COL1A2: variants seen among roughly 807,000 people sequenced by gnomAD.
COL1A2 encodes the protein collagen type I alpha 2 chain.
Under a neutral mutation model 174.3 loss-of-function variants are expected in COL1A2, and 49 were observed. The observed-to-expected ratio is 0.28, with a 90% CI of 0.22 to 0.36. The LOEUF is 0.36. Ranked by LOEUF, COL1A2 falls within the 10% of genes least tolerant of loss-of-function variation. The probability of loss-of-function intolerance (pLI) is 1.00; values close to 1 mark genes in which losing one functional copy is unlikely to be tolerated. For synonymous variants in COL1A2, 655 were observed against 606.6 expected, an observed-to-expected ratio of 1.08 and a Z score of -1.17; for missense variants, 1,438 against 1,822.7, an observed-to-expected ratio of 0.79 and a Z score of 3.84.
rs1792106148 is a variant in COL1A2, at chr7:94,419,444, A to G, written c.2026-54A>G. 10 of 1,585,380 alleles carry G rather than the reference A, an allele frequency of 6.3e-6. 1 individual carries two copies. The highest frequency in any genetic ancestry group is 3.3e-5 in the South Asian group (3 of 90,412). On this transcript the variant is annotated intron_variant, in intron 33 of 51. Coordinates refer to ENST00000297268, the MANE Select transcript of COL1A2 (RefSeq NM_000089.4). The stretch of plus-strand genomic sequence containing the variant: ...ACAGAAAAAAAGAATGACAAGGTTC[A>G]CTTTTGATGATACGGGGTGTTATTA...
intron 42 of COL1A2, 63 bp downstream of exon 42, chr7:94,425,287 G>A (rs1792250506): frequency 1.4e-6 from 2 of 1,460,142 alleles, no homozygotes; most frequent in Non-Finnish European, 1.9e-6. Context: ...GAAACTTTAT[G>A]TCCTGAGCTG....
intron 31 of COL1A2, chr7:94,416,792 A>G (rs543903344): frequency 3.3e-5 from 13 of 391,132 alleles, no homozygotes; most frequent in Admixed American, 2.4e-4. Flanking sequence ...GTTTTAATCT[A>G]GAAACATTGT....
At chr7:94,418,402 C>A in intron 32 of COL1A2, 97 bp from the exon 33 acceptor site, 1 of 919,406 alleles carries the variant, frequency 1.1e-6, no homozygotes, top group Non-Finnish European at 1.8e-6. Flanking sequence ...CTGAAGGTAT[C>A]ATAGCATCTT....
Position 94,400,294 on chromosome 7 carries a change from G to T in COL1A2, c.225+6G>T. On this transcript the variant is annotated splice_donor_region_variant and intron_variant, in intron 5 of 51. Coordinates refer to ENST00000297268, the MANE Select transcript of COL1A2 (RefSeq NM_000089.4). ...GCCCCCCTGGTCTCGGTGGGGTAAG[G>T]TGTCTTACGTATTGCTAACTTTTAG... is the stretch of plus-strand genomic sequence containing the variant. 3 of 1,611,726 alleles carry T rather than the reference G, an allele frequency of 1.9e-6. No individual in the cohort carries two copies. Among genetic ancestry groups the T allele is most frequent in the South Asian group, 1.1e-5 (1 of 90,914 alleles).
intron 1 of COL1A2, 108 bp downstream of exon 1, chr7:94,395,209 G>A: frequency 4.5e-6 from 4 of 884,802 alleles, no homozygotes; most frequent in Non-Finnish European, 7.8e-6. Context: ...TACACTTGGA[G>A]GGCAGACTCT....
At position 94,415,278 on chromosome 7, in the gene COL1A2, T is replaced by A; in HGVS notation, c.1764+8T>A. ...GGTCCTGCTGGTCCAAGAGTAAGTG[T>A]TACTTCATTAACTTTCATAAACTCT... On this transcript the variant is annotated splice_region_variant and intron_variant, in intron 30 of 51. Coordinates refer to ENST00000297268, the MANE Select transcript of COL1A2 (RefSeq NM_000089.4). 6.2e-7 allele frequency: 1 copy of A among 1,613,266 alleles called. No homozygotes were observed. Among genetic ancestry groups the A allele is most frequent in the East Asian group, 2.2e-5 (1 of 44,854 alleles).
Position 94,407,886 on chromosome 7 carries a change from C to T in COL1A2, c.634C>T (p.Gln212Ter). 6.2e-7 allele frequency: 1 copy of T among 1,612,830 alleles called. No individual in the cohort carries two copies. The highest frequency in any genetic ancestry group is 8.5e-7 in the Non-Finnish European group (1 of 1,179,188). Reference protein sequence around the residue: ...GAPGENGTPGQTGARGLPGER... With the variant: ...GAPGENGTPG ...CCCTGGTGAAAATGGAACTCCAGGT[C>T]AAACAGTAAGTATTGACTACTTCAT... Residue 212 changes from glutamine (Q) to a stop codon, truncating the protein, a stop_gained, in exon 13 of 52, where the codon CAA becomes TAA. Transcript: ENST00000297268. LOFTEE classifies it high-confidence loss of function.
At position 94,412,677 on chromosome 7, in the gene COL1A2, C is replaced by T; in HGVS notation, c.1498C>T (p.Pro500Ser). The part of the protein sequence containing the change: ...GNIGFPGPKG[P>S]TGDPGKNGDK... The stretch of plus-strand genomic sequence containing the variant: ...CATTGGATTCCCTGGACCCAAAGGC[C>T]CCACTGTAAGAATCACCACAACTTT... Residue 500 changes from proline (P) to serine (S), a missense_variant, in exon 25 of 52, where the codon CCC becomes TCC. This residue lies in a region of COL1A2 where 867 missense variants were observed against 1,213.7 expected (regional missense o/e 0.71). Coordinates refer to ENST00000297268, the MANE Select transcript of COL1A2 (RefSeq NM_000089.4). 6.2e-7 allele frequency: 1 copy of T among 1,613,912 alleles called. No homozygotes were observed. The highest frequency in any genetic ancestry group is 8.5e-7 in the Non-Finnish European group (1 of 1,179,848).
At chr7:94,422,228 G>C (rs1792181078) in intron 39 of COL1A2, among the ~76,000 whole-genome samples, 2 of 150,972 alleles carry the variant, frequency 1.3e-5, no homozygotes. Context: ...AACAGTTTTA[G>C]CCACATATCA....
At chr7:94,426,566 T>A in intron 46 of COL1A2, 36 bp downstream of exon 46, 2 of 1,486,450 alleles carry the variant, frequency 1.3e-6, no homozygotes, top group Non-Finnish European at 1.9e-6. Context: ...CATAAACTGA[T>A]CCTGAAGGCC....
intron 4 of COL1A2, 52 bp downstream of exon 4, chr7:94,399,136 A>G (rs1791639105): frequency 1.3e-6 from 2 of 1,548,678 alleles, no homozygotes; most frequent in Non-Finnish European, 1.8e-6. Context: ...GAATAACTAT[A>G]TGTTAGAAAC....
intron 13 of COL1A2, 96 bp downstream of exon 13, chr7:94,407,987 A>ATTG (rs932042056): frequency 7.9e-7 from 1 of 1,270,664 alleles, no homozygotes; most frequent in African/African-American, 1.5e-5. Context: ...ATCCTTCAGC[A>ATTG]TTGTATTCTT....
chr7:94,425,559 G>C (rs1447270824), intron 42 of COL1A2, 51 bp from the exon 43 acceptor site: 2 of 1,570,242 alleles, frequency 1.3e-6, no homozygotes, highest in Non-Finnish European at 1.8e-6. Flanking sequence ...ATAGGGGCTG[G>C]TAGGCAGCAG....
intron 42 of COL1A2, 66 bp downstream of exon 42, chr7:94,425,290 C>T: frequency 6.9e-7 from 1 of 1,440,218 alleles, no homozygotes; most frequent in East Asian, 2.3e-5. Context: ...ACTTTATGTC[C>T]TGAGCTGAGG....
intron 51 of COL1A2, 191 bp from the exon 52 acceptor site, chr7:94,430,056 G>A: frequency 1.6e-6 from 1 of 615,088 alleles, no homozygotes; most frequent in East Asian, 2.8e-5. Flanking sequence ...TTTTTTGTTA[G>A]ACTGATAGGG....
Position 94,430,618 on chromosome 7 carries a change from A to T in COL1A2, c.*225A>T, listed in dbSNP as rs1391403971. 2 of 558,788 alleles carry T rather than the reference A, an allele frequency of 3.6e-6. 1 individual carries two copies. The highest frequency in any genetic ancestry group is 4.5e-5 in the South Asian group (2 of 44,352). 34.6% of individuals were successfully genotyped at this position (558,788 alleles called of 1,614,324 possible). A position where few individuals can be genotyped will look rare whatever the true frequency, so the allele number is the denominator to read the frequency against. ...CCCCAAAAATTTGAATTTTTTTTTCAACACTCTTACACCTGTTATGGAAAA... is the reference window on the plus strand; with the variant it reads ...CCCCAAAAATTTGAATTTTTTTTTCTACACTCTTACACCTGTTATGGAAAA... On this transcript the variant is annotated 3_prime_UTR_variant, in exon 52 of 52. Transcript: ENST00000297268.
chr7:94,396,283 C>G (rs990312957), intron 1 of COL1A2, among the ~76,000 whole-genome samples: 1 of 151,550 alleles, frequency 6.6e-6, no homozygotes, highest in African/African-American at 2.4e-5. Context: ...ACGGTGTCTA[C>G]CACTGCATAA....
intron 50 of COL1A2, 90 bp from the exon 51 acceptor site, chr7:94,429,098 C>T (rs1399073711): frequency 1.2e-5 from 11 of 927,232 alleles, no homozygotes; most frequent in African/African-American, 5.6e-5. Flanking sequence ...TTCCTGAGAT[C>T]TTTTTTTTTC....
intron 30 of COL1A2, 119 bp from the exon 31 acceptor site, chr7:94,416,286 A>G (rs765636115): frequency 8.5e-5 from 69 of 811,190 alleles, no homozygotes; most frequent in Non-Finnish European, 1.3e-4. Flanking sequence ...AAGAAATTTT[A>G]ATTTGCTAAT....
Sources: allele counts gnomAD v4.1 joint callset (sites outside exome capture counted in the v4.1 genomes callset), GRCh38; gene constraint gnomAD v4.1.1; regional missense constraint gnomAD v4.1.1; transcripts MANE v1.5; gene names NCBI Gene and HGNC (gene_info 2026-07-23, HGNC 2026-07-21).